The following NOL4 variants were observed in gnomAD, a reference collection of about 807,000 sequenced individuals.
NOL4 encodes the protein nucleolar protein 4.
Under a neutral mutation model 75.9 loss-of-function variants are expected in NOL4, and 17 were observed. The ratio of observed to expected loss-of-function variants is 0.22; its 90% CI spans 0.15 to 0.34. The LOEUF is 0.34. NOL4 is among the 10% of genes least tolerant of loss of function. NOL4 has a pLI of 1.00. For synonymous variants in NOL4, 292 were observed against 289.9 expected (o/e 1.01, Z -0.07); for missense variants, 614 against 793.5 (o/e 0.77, Z 2.72).
chr18:33,952,154 T>TG (rs1170237694), intron 8 of NOL4, among the ~76,000 whole-genome samples: 8 of 152,158 alleles, frequency 5.3e-5, no homozygotes, highest in Admixed American at 6.5e-5. Flanking sequence ...GGAAGCTGGG[T>TG]GGGGTGTGTG....
chr18:34,131,906 G>A (rs966218608), intron 1 of NOL4, among the ~76,000 whole-genome samples: 1 of 152,166 alleles, frequency 6.6e-6, no homozygotes, highest in East Asian at 1.9e-4. Context: ...AGAAATGGTT[G>A]CTAGGGTAGT....
intron 2 of NOL4, among the ~76,000 whole-genome samples, chr18:34,114,320 A>G (rs1390801690): frequency 6.6e-6 from 1 of 152,202 alleles, no homozygotes; most frequent in Non-Finnish European, 1.5e-5. Context: ...TTTGTTTATG[A>G]ACACAGAAAC....
chr18:33,879,308 C>A (rs1398741604), intron 10 of NOL4, among the ~76,000 whole-genome samples: 2 of 151,846 alleles, frequency 1.3e-5, no homozygotes, highest in African/African-American at 2.4e-5. Flanking sequence ...AGTATAAATC[C>A]TTATTCCATG....
At chr18:34,153,161 A>G (rs1035692654) in intron 1 of NOL4, among the ~76,000 whole-genome samples, 1 of 151,704 alleles carries the variant, frequency 6.6e-6, no homozygotes, top group Non-Finnish European at 1.5e-5. Context: ...ATACCCATGT[A>G]CTCATTTCTT....
intron 1 of NOL4, among the ~76,000 whole-genome samples, chr18:34,152,075 C>T (rs1421486608): frequency 6.6e-6 from 1 of 151,472 alleles, no homozygotes; most frequent in Non-Finnish European, 1.5e-5. Context: ...GTATCATTAA[C>T]TTTTTTTTCA....
At chr18:33,942,324 T>G (rs2068544778) in intron 9 of NOL4, among the ~76,000 whole-genome samples, 1 of 151,818 alleles carries the variant, frequency 6.6e-6, no homozygotes. Context: ...TAATTTAGAT[T>G]TTTACTATGG....
chr18:33,990,173 G>T (rs2072810145), intron 6 of NOL4, among the ~76,000 whole-genome samples: 1 of 152,084 alleles, frequency 6.6e-6, no homozygotes, highest in Non-Finnish European at 1.5e-5. Flanking sequence ...GAAGTTGTCA[G>T]TTTTAGTGAC....
chr18:33,980,666 T>C (rs1447062235), intron 6 of NOL4, among the ~76,000 whole-genome samples: 3 of 151,924 alleles, frequency 2.0e-5, no homozygotes, highest in Non-Finnish European at 4.4e-5. Context: ...CCAGGTTTAC[T>C]AAAGACTAAG....
intron 1 of NOL4, chr18:34,221,994 C>G: frequency 2.0e-6 from 3 of 1,521,538 alleles, no homozygotes; most frequent in South Asian, 1.2e-5. Context: ...TAGCCTCCCC[C>G]ATCCCTACTC....
At chr18:33,853,503 C>T (rs1014995445) in intron 10 of NOL4, among the ~76,000 whole-genome samples, 3 of 152,038 alleles carry the variant, frequency 2.0e-5, no homozygotes, top group East Asian at 3.9e-4. Flanking sequence ...GTCAACTTAG[C>T]AAAAAGGAAA....
chr18:34,084,992 G>T (rs147976666), intron 5 of NOL4, among the ~76,000 whole-genome samples: 4 of 152,038 alleles, frequency 2.6e-5, no homozygotes, highest in Admixed American at 2.6e-4. Flanking sequence ...TTCAGTTTAC[G>T]GTAAGAGTTT....
intron 1 of NOL4, among the ~76,000 whole-genome samples, chr18:34,173,036 CT>C (rs986316292): frequency 2.6e-5 from 4 of 151,778 alleles, no homozygotes; most frequent in Admixed American, 6.6e-5. Context: ...CTTGTTTTTG[CT>C]TTTTTTGCCT....
chr18:34,035,482 T>A (rs983506950), intron 5 of NOL4, among the ~76,000 whole-genome samples: 1 of 152,070 alleles, frequency 6.6e-6, no homozygotes, highest in African/African-American at 2.4e-5. Context: ...GAGGGAATAT[T>A]ATAGCAATAA....
intron 1 of NOL4, among the ~76,000 whole-genome samples, chr18:34,180,378 A>T (rs2033934333): frequency 6.6e-6 from 1 of 151,622 alleles, no homozygotes; most frequent in South Asian, 2.1e-4. Flanking sequence ...AATAAAGTAA[A>T]AACACATGAT....
In NOL4 at chr18:34,082,541, G is replaced by A. The variant is rs1190075081; in HGVS notation, c.772+10924C>T. Among the ~76,000 whole-genome samples the A allele has an allele frequency of 1.2e-4, 18 of 152,074 alleles. 1 individual carries two copies. ...TAATTTGATTTTATATGGTTGAATT[G>A]AATGAGAGTTTATATGGTTTTTATT... On this transcript the variant is annotated intron_variant, in intron 5 of 10. Transcript: ENST00000261592.
chr18:33,875,484 T>C (rs2063890674), intron 10 of NOL4, among the ~76,000 whole-genome samples: 1 of 152,032 alleles, frequency 6.6e-6, no homozygotes, highest in African/African-American at 2.4e-5. Flanking sequence ...ACAGAATATT[T>C]CCTTGCTATG....
chr18:34,182,748 T>TA (rs909907772), intron 1 of NOL4, among the ~76,000 whole-genome samples: 2 of 151,768 alleles, frequency 1.3e-5, no homozygotes, highest in African/African-American at 4.8e-5. Flanking sequence ...CTTTCATTTT[T>TA]AAAAAATAAT....
intron 8 of NOL4, among the ~76,000 whole-genome samples, chr18:33,954,607 T>C (rs917675702): frequency 1.3e-5 from 2 of 151,634 alleles, no homozygotes; most frequent in Non-Finnish European, 2.9e-5. Context: ...TATAAAACAG[T>C]AGGGGTGGTT....
chr18:34,076,037 G>A (rs1196343973), intron 5 of NOL4, among the ~76,000 whole-genome samples: 2 of 152,044 alleles, frequency 1.3e-5, no homozygotes, highest in African/African-American at 4.8e-5. Flanking sequence ...CCCAAGTTAT[G>A]ATGGTAAAAA....
Sources: gnomAD v4.1 joint callset for allele counts (sites outside exome capture counted in the v4.1 genomes callset) on GRCh38, gnomAD v4.1.1 for gene constraint, MANE v1.5 for transcripts, NCBI Gene and HGNC (gene_info 2026-07-23, HGNC 2026-07-21) for gene names.